The following CLOCK variants were observed in gnomAD, a reference collection of about 807,000 sequenced individuals.
CLOCK encodes the protein clock circadian regulator, also known as circadian locomoter output cycles protein kaput.
In CLOCK, 43 loss-of-function variants were observed where a neutral mutation model predicts 118.4. The ratio of observed to expected loss-of-function variants is 0.36; its 90% CI spans 0.28 to 0.47. The LOEUF (loss-of-function observed/expected upper bound fraction) is 0.47. Ranked by LOEUF, CLOCK falls within the 20% of genes least tolerant of loss-of-function variation. The pLI is 1.00. For missense variants in CLOCK, 846 were observed against 999.9 expected, an observed-to-expected ratio of 0.85 and a Z score of 2.08; for synonymous variants, 326 against 339.2, an observed-to-expected ratio of 0.96 and a Z score of 0.43.
At chr4:55,507,326 G>C (rs765426455) in intron 2 of CLOCK, among the ~76,000 whole-genome samples, 13 of 151,440 alleles carry the variant, frequency 8.6e-5, no homozygotes, top group Non-Finnish European at 1.5e-4. Flanking sequence ...AAAAAGGTAG[G>C]GGGGAGCCAG....
intron 1 of CLOCK, among the ~76,000 whole-genome samples, chr4:55,518,325 G>A (rs1172013997): frequency 2.0e-5 from 3 of 152,112 alleles, no homozygotes; most frequent in South Asian, 2.1e-4. Context: ...AGGACGGGGA[G>A]AATTTATCTG....
intron 7 of CLOCK, among the ~76,000 whole-genome samples, chr4:55,474,480 G>A (rs952732058): frequency 5.9e-5 from 9 of 152,170 alleles, no homozygotes; most frequent in African/African-American, 2.2e-4. Flanking sequence ...GATCATTGAT[G>A]AAGGTCGCTA....
intron 10 of CLOCK, 65 bp downstream of exon 10, chr4:55,459,083 A>T: frequency 6.8e-7 from 1 of 1,467,458 alleles, no homozygotes; most frequent in South Asian, 1.1e-5. Context: ...TCAAACATCT[A>T]TGTCTTTAAG....
intron 15 of CLOCK, among the ~76,000 whole-genome samples, chr4:55,451,149 C>T (rs1025024548): frequency 6.6e-6 from 1 of 152,136 alleles, no homozygotes; most frequent in Non-Finnish European, 1.5e-5. Flanking sequence ...TCCCTAATTC[C>T]CCCATCCTGG....
chr4:55,474,770 C>T (rs993415912), intron 7 of CLOCK, among the ~76,000 whole-genome samples: 1 of 152,174 alleles, frequency 6.6e-6, no homozygotes, highest in Admixed American at 6.5e-5. Context: ...CATCTGTTGA[C>T]AACATGGCTT....
chr4:55,460,982 G>A (rs1456463502), intron 9 of CLOCK, among the ~76,000 whole-genome samples: 6 of 150,604 alleles, frequency 4.0e-5, no homozygotes, highest in Non-Finnish European at 7.4e-5. Flanking sequence ...GGACTACAGT[G>A]ACATGATCTC....
chr4:55,435,232 T>G lies in CLOCK; in HGVS notation c.*183A>C, dbSNP rs1577661640. On this transcript the variant is annotated 3_prime_UTR_variant, in exon 23 of 23. Coordinates refer to ENST00000513440, the MANE Select transcript of CLOCK (RefSeq NM_004898.4). ...CCTATGATCACCTCCTGCTGGCTGG[T>G]ATTTAATGTACATCTGTAGCACTAG... 4 of 663,768 alleles carry G rather than the reference T, an allele frequency of 6.0e-6. No individual in the cohort carries two copies. The allele number at this position is 663,768 out of a possible 1,614,324, so 41.1% of individuals were successfully genotyped here. A position where few individuals can be genotyped will look rare whatever the true frequency, so the allele number is the denominator to read the frequency against.
intron 11 of CLOCK, among the ~76,000 whole-genome samples, chr4:55,458,645 A>G (rs1259740641): frequency 6.6e-6 from 1 of 152,170 alleles, no homozygotes; most frequent in Admixed American, 6.5e-5. Flanking sequence ...ACACAAAAGG[A>G]TCCTAAAATC....
intron 1 of CLOCK, among the ~76,000 whole-genome samples, chr4:55,533,219 T>C (rs1730669182): frequency 6.6e-6 from 1 of 152,108 alleles, no homozygotes; most frequent in Non-Finnish European, 1.5e-5. Flanking sequence ...CTTTCTTATT[T>C]CAAAACACAC....
intron 2 of CLOCK, among the ~76,000 whole-genome samples, chr4:55,491,413 T>C (rs1352715652): frequency 6.6e-6 from 1 of 151,470 alleles, no homozygotes; most frequent in East Asian, 1.9e-4. Flanking sequence ...GTTGTTTCTT[T>C]GAAAAGACTA....
At position 55,470,760 on chromosome 4, in the gene CLOCK, A is replaced by G. The variant is rs1238053573; in HGVS notation, c.395T>C (p.Ile132Thr). 1 of 1,611,922 alleles carries G rather than the reference A, an allele frequency of 6.2e-7. No homozygotes were observed. Among genetic ancestry groups the G allele is most frequent in the Non-Finnish European group, 8.5e-7 (1 of 1,178,416 alleles). Reference protein sequence around the residue: ...FLAIMTDGSIIYVSESVTSLL... With the variant: ...FLAIMTDGSITYVSESVTSLL... The stretch of plus-strand genomic sequence containing the variant: ...TGAAGTTACACTCTCAGACACATAT[A>G]TTATGCTTCCATCTGTCATGATTGC... Residue 132 changes from isoleucine (I) to threonine (T), a missense_variant, in exon 8 of 23, where the codon ATA (isoleucine) becomes ACA (threonine). Ile to Thr is a moderately conservative substitution (Grantham distance 89). Around this residue, in one of 4 missense-constraint regions of CLOCK, gnomAD observed 246 missense variants for 300.2 expected, o/e 0.82. Coordinates refer to ENST00000513440, the MANE Select transcript of CLOCK (RefSeq NM_004898.4).
At chr4:55,486,898 G>A (rs1161411295) in intron 3 of CLOCK, among the ~76,000 whole-genome samples, 1 of 152,038 alleles carries the variant, frequency 6.6e-6, no homozygotes, top group Non-Finnish European at 1.5e-5. Flanking sequence ...TCTAATTCTG[G>A]AGAGTTTTCT....
intron 2 of CLOCK, among the ~76,000 whole-genome samples, chr4:55,495,273 G>A (rs1185720324): frequency 6.6e-6 from 1 of 152,004 alleles, no homozygotes; most frequent in Non-Finnish European, 1.5e-5. Context: ...GGTACACATC[G>A]TCGTTAAAAT....
rs1724915162 is a variant in CLOCK, at chr4:55,456,203, T to A, written c.875+15A>T. 1 of 1,546,392 alleles carries A rather than the reference T, an allele frequency of 6.5e-7. No individual in the cohort carries two copies. Among genetic ancestry groups the A allele is most frequent in the Non-Finnish European group, 8.9e-7 (1 of 1,122,402 alleles). Reference sequence around the variant, plus strand: ...ATGACTATTACCTTTTCATGGAATTTAAAAATGGAATTACCTGTGATCTAG... The same window carrying A: ...ATGACTATTACCTTTTCATGGAATTAAAAAATGGAATTACCTGTGATCTAG... On this transcript the variant is annotated intron_variant, in intron 12 of 22. Transcript: ENST00000513440.
intron 1 of CLOCK, among the ~76,000 whole-genome samples, chr4:55,535,848 A>G (rs1218064548): frequency 6.6e-6 from 1 of 151,010 alleles, no homozygotes; most frequent in South Asian, 2.1e-4. Context: ...GATGGGGAGA[A>G]TATTTTAAAG....
intron 1 of CLOCK, among the ~76,000 whole-genome samples, chr4:55,527,301 A>G (rs958026153): frequency 6.6e-6 from 1 of 152,172 alleles, no homozygotes; most frequent in African/African-American, 2.4e-5. Flanking sequence ...ATAAATCACT[A>G]AAAGTAGGTG....
intron 20 of CLOCK, 88 bp from the exon 21 acceptor site, chr4:55,442,722 A>G: frequency 8.8e-7 from 1 of 1,136,156 alleles, no homozygotes; most frequent in Non-Finnish European, 1.3e-6. Context: ...TAACAATATG[A>G]CAATATGACA....
At chr4:55,452,950 G>A in intron 15 of CLOCK, 104 bp downstream of exon 15, 4 of 802,906 alleles carry the variant, frequency 5.0e-6, no homozygotes, top group Non-Finnish European at 8.1e-6. Context: ...TTATAAGTGA[G>A]GAAATAAAGT....
chr4:55,523,087 A>G (rs1388938298), intron 1 of CLOCK, among the ~76,000 whole-genome samples: 2 of 152,018 alleles, frequency 1.3e-5, no homozygotes, highest in African/African-American at 4.8e-5. Context: ...CGAGGTCAGG[A>G]GATCGAGACC....
Sources: allele counts gnomAD v4.1 joint callset (sites outside exome capture counted in the v4.1 genomes callset), GRCh38; gene constraint gnomAD v4.1.1; regional missense constraint gnomAD v4.1.1; transcripts MANE v1.5; gene names NCBI Gene and HGNC (gene_info 2026-07-23, HGNC 2026-07-21).